KCNIP4: variants seen among roughly 807,000 people sequenced by gnomAD.
KCNIP4 encodes Kv channel-interacting protein 4.
In KCNIP4, 12 loss-of-function variants were observed where a neutral mutation model predicts 34.0. That is an observed-to-expected ratio of 0.35 (90% CI 0.23 to 0.57). The LOEUF is 0.57. Ranked by LOEUF, KCNIP4 falls within the 20% of genes least tolerant of loss-of-function variation. KCNIP4 has a pLI of 0.83. For missense variants in KCNIP4, 238 were observed against 311.7 expected, an observed-to-expected ratio of 0.76 and a Z score of 1.78; for synonymous variants, 124 against 102.2, an observed-to-expected ratio of 1.21 and a Z score of -1.29.
chr4:21,105,665 T>A (rs1027759011), intron 1 of KCNIP4, among the ~76,000 whole-genome samples: 5 of 151,688 alleles, frequency 3.3e-5, no homozygotes, highest in African/African-American at 1.2e-4. Context: ...GGTATCCCTG[T>A]CTTGTGCCAG....
At chr4:20,896,946 T>A (rs1052707350) in intron 1 of KCNIP4, among the ~76,000 whole-genome samples, 1 of 151,818 alleles carries the variant, frequency 6.6e-6, no homozygotes, top group African/African-American at 2.4e-5. Context: ...TTTTTTTTTT[T>A]AATTACTGCC....
intron 1 of KCNIP4, among the ~76,000 whole-genome samples, chr4:21,691,133 A>G (rs919943469): frequency 6.6e-6 from 1 of 152,216 alleles, no homozygotes; most frequent in African/African-American, 2.4e-5. Context: ...TGGTGAGTGA[A>G]TATAAAATAA....
At chr4:21,679,115 C>T (rs1201626846) in intron 1 of KCNIP4, among the ~76,000 whole-genome samples, 1 of 152,182 alleles carries the variant, frequency 6.6e-6, no homozygotes, top group African/African-American at 2.4e-5. Context: ...CTTTGGACTT[C>T]TAGCCTCAAT....
intron 1 of KCNIP4, among the ~76,000 whole-genome samples, chr4:21,946,216 T>C (rs1730504028): frequency 6.6e-6 from 1 of 151,942 alleles, no homozygotes; most frequent in African/African-American, 2.4e-5. Context: ...ATAAAATACA[T>C]ACACGTACGC....
At chr4:20,982,242 C>T (rs942260066) in intron 1 of KCNIP4, among the ~76,000 whole-genome samples, 3 of 152,136 alleles carry the variant, frequency 2.0e-5, no homozygotes, top group African/African-American at 7.2e-5. Context: ...AACTCTGAAA[C>T]CAAGTCAGCT....
At chr4:20,840,380 C>G (rs1719573285) in intron 3 of KCNIP4, among the ~76,000 whole-genome samples, 1 of 152,174 alleles carries the variant, frequency 6.6e-6, no homozygotes, top group South Asian at 2.1e-4. Flanking sequence ...CCTAACATAT[C>G]TATCTTCCAT....
rs573260049 is a variant in KCNIP4, at chr4:21,228,810, A to G, written c.62-346101T>C. 3.9e-5 allele frequency among the ~76,000 whole-genome samples: 6 copies of G among 152,156 alleles called. No homozygotes were observed. The South Asian group carries it at 6.2e-4, about 16-fold the overall frequency. The stretch of plus-strand genomic sequence containing the variant: ...ATCATTTTCTCCTTCCGCTTATCCA[A>G]TCACACTGGTTCCTCAGCCTGGTGC... On this transcript the variant is annotated intron_variant, in intron 1 of 8. Coordinates refer to ENST00000382152, the MANE Select transcript of KCNIP4 (RefSeq NM_025221.6).
chr4:21,095,390 G>T (rs1033684419), intron 1 of KCNIP4, among the ~76,000 whole-genome samples: 1 of 152,072 alleles, frequency 6.6e-6, no homozygotes, highest in Non-Finnish European at 1.5e-5. Flanking sequence ...TTCATAAAAC[G>T]TTGGAAATTT....
intron 1 of KCNIP4, among the ~76,000 whole-genome samples, chr4:21,424,055 A>G (rs1280453686): frequency 6.7e-6 from 1 of 149,310 alleles, no homozygotes; most frequent in African/African-American, 2.5e-5. Context: ...TCCTGACCTC[A>G]TGATCCACCC....
At chr4:21,049,096 G>A (rs929636908) in intron 1 of KCNIP4, among the ~76,000 whole-genome samples, 6 of 150,944 alleles carry the variant, frequency 4.0e-5, no homozygotes, top group Admixed American at 6.6e-5. Flanking sequence ...GACTACAGGC[G>A]CCCGCTACCA....
At chr4:21,637,419 G>A (rs1746270934) in intron 1 of KCNIP4, among the ~76,000 whole-genome samples, 1 of 151,994 alleles carries the variant, frequency 6.6e-6, no homozygotes, top group Admixed American at 6.6e-5. Flanking sequence ...CAACTTACCT[G>A]GATTGGCTCA....
chr4:21,504,465 C>CAAAAAAAAAAAAAAAA (rs376644707), intron 1 of KCNIP4, among the ~76,000 whole-genome samples: 44 of 56,244 alleles, frequency 7.8e-4, no homozygotes, highest in East Asian at 2.2e-3. Flanking sequence ...GACTCCAACT[C>CAAAAAAAAAAAAAAAA]AAAAAAAAAA....
chr4:21,123,349 C>A lies in KCNIP4; in HGVS notation c.62-240640G>T, dbSNP rs542029210. Among the ~76,000 whole-genome samples, 4 of 152,204 alleles carry A rather than the reference C, an allele frequency of 2.6e-5. No homozygotes were observed. The South Asian group carries it at 8.3e-4, about 32-fold the overall frequency. ...AACATTTCTGAGCAAAAAACAGAAA[C>A]ATCCCTGTCCTCACAGAGCTTGTGA... On this transcript the variant is annotated intron_variant, in intron 1 of 8. Coordinates refer to ENST00000382152, the MANE Select transcript of KCNIP4 (RefSeq NM_025221.6).
At chr4:20,923,940 T>C (rs1729657908) in intron 1 of KCNIP4, among the ~76,000 whole-genome samples, 1 of 152,172 alleles carries the variant, frequency 6.6e-6, no homozygotes, top group African/African-American at 2.4e-5. Flanking sequence ...ATGTACTCAA[T>C]TACATGTCAT....
At chr4:20,736,529 T>C (rs1211860405) in intron 5 of KCNIP4, among the ~76,000 whole-genome samples, 1 of 152,212 alleles carries the variant, frequency 6.6e-6, no homozygotes, top group African/African-American at 2.4e-5. Flanking sequence ...TGTGCAATAT[T>C]AGCTGCAAAT....
chr4:21,875,638 G>T (rs1426984928), intron 1 of KCNIP4, among the ~76,000 whole-genome samples: 1 of 152,098 alleles, frequency 6.6e-6, no homozygotes, highest in Admixed American at 6.6e-5. Context: ...GGAAATCAAT[G>T]CCTGTGTTCA....
intron 1 of KCNIP4, among the ~76,000 whole-genome samples, chr4:21,189,936 C>G (rs1457192944): frequency 6.6e-6 from 1 of 152,194 alleles, no homozygotes; most frequent in Non-Finnish European, 1.5e-5. Flanking sequence ...TGGATGTCTA[C>G]AACTTTGTAG....
intron 3 of KCNIP4, among the ~76,000 whole-genome samples, chr4:20,849,176 T>G (rs1379317541): frequency 1.3e-5 from 2 of 152,196 alleles, no homozygotes; most frequent in Non-Finnish European, 1.5e-5. Context: ...GGTCTGTGTG[T>G]GTGGTGAGCA....
intron 1 of KCNIP4, among the ~76,000 whole-genome samples, chr4:21,743,405 CTTTT>C (rs33910770): frequency 6.9e-6 from 1 of 144,742 alleles, no homozygotes. Context: ...ACTTTTGTCT[CTTTT>C]TTTTTTTTTT....
Sources: gnomAD v4.1 joint callset for allele counts (sites outside exome capture counted in the v4.1 genomes callset) on GRCh38, gnomAD v4.1.1 for gene constraint, MANE v1.5 for transcripts, NCBI Gene and HGNC (gene_info 2026-07-23, HGNC 2026-07-21) for gene names.